PCP4: variants seen among roughly 807,000 people sequenced by gnomAD.
PCP4 encodes Purkinje cell protein 4.
PCP4 carries 8 observed loss-of-function variants against 10.0 expected under a neutral mutation model. The observed-to-expected ratio is 0.80, with a 90% CI of 0.47 to 1.45. The LOEUF (loss-of-function observed/expected upper bound fraction) is 1.45, where lower values mean the gene tolerates loss of function less well. Ranked by LOEUF, PCP4 falls within the 40% of genes most tolerant of loss-of-function variation. The probability of loss-of-function intolerance (pLI) is 0.00; values close to 1 mark genes in which losing one functional copy is unlikely to be tolerated. For synonymous variants in PCP4, 21 were observed against 23.0 expected (o/e 0.91, Z 0.24); for missense variants, 54 against 74.4 (o/e 0.73, Z 1.01).
At chr21:39,887,055 A>G (rs879891157) in intron 1 of PCP4, among the ~76,000 whole-genome samples, 1 of 152,242 alleles carries the variant, frequency 6.6e-6, no homozygotes, top group Non-Finnish European at 1.5e-5. Context: ...GCGAATTTTA[A>G]AAATATAGCT....
In PCP4 at chr21:39,889,706, G is replaced by A. The variant is rs577221993; in HGVS notation, c.10-8770G>A. ...GCTGGGATTACAGGCGTGAGCCACC[G>A]TGCCCAGCCTCAAACCAAGTTCTTA... On this transcript the variant is annotated intron_variant, in intron 1 of 2. Coordinates refer to ENST00000328619, the MANE Select transcript of PCP4 (RefSeq NM_006198.3). Among the ~76,000 whole-genome samples, 6 of 152,154 alleles carry A rather than the reference G, an allele frequency of 3.9e-5. No homozygotes were observed. The South Asian group carries it at 1.2e-3, about 32-fold the overall frequency.
intron 1 of PCP4, among the ~76,000 whole-genome samples, chr21:39,876,869 G>A (rs2087348739): frequency 6.6e-6 from 1 of 152,204 alleles, no homozygotes; most frequent in South Asian, 2.1e-4. Context: ...TGAACATGGT[G>A]GCTCTGCCCT....
intron 2 of PCP4, among the ~76,000 whole-genome samples, chr21:39,912,859 G>A (rs1373503222): frequency 6.6e-6 from 1 of 152,020 alleles, no homozygotes; most frequent in Non-Finnish European, 1.5e-5. Flanking sequence ...ACAGGTGCGG[G>A]CCACTATAAC....
intron 2 of PCP4, among the ~76,000 whole-genome samples, chr21:39,920,286 G>GT (rs149149120): frequency 1.4e-5 from 2 of 142,422 alleles, no homozygotes; most frequent in Non-Finnish European, 3.0e-5. Context: ...TAGTGTGTGT[G>GT]GTGTGTGTGT....
At chr21:39,917,319 T>C (rs976053995) in intron 2 of PCP4, among the ~76,000 whole-genome samples, 1 of 152,118 alleles carries the variant, frequency 6.6e-6, no homozygotes, top group Non-Finnish European at 1.5e-5. Flanking sequence ...TACCAGAAGG[T>C]GGGATCTTCC....
intron 2 of PCP4, among the ~76,000 whole-genome samples, chr21:39,905,350 G>A (rs572302331): frequency 6.6e-6 from 1 of 152,308 alleles, no homozygotes; most frequent in Non-Finnish European, 1.5e-5. Context: ...ATTCTGGAAG[G>A]AAGAAATGGA....
chr21:39,868,742 G>A (rs1285978989), intron 1 of PCP4, among the ~76,000 whole-genome samples: 3 of 152,226 alleles, frequency 2.0e-5, no homozygotes, highest in East Asian at 1.9e-4. Flanking sequence ...GAGGCACAGA[G>A]ATGGGAACTA....
intron 2 of PCP4, among the ~76,000 whole-genome samples, chr21:39,909,847 G>A (rs1366600319): frequency 6.7e-6 from 1 of 150,092 alleles, no homozygotes; most frequent in Non-Finnish European, 1.5e-5. Flanking sequence ...CCAGGCTGGA[G>A]TGCAATGGCG....
At chr21:39,910,911 A>G (rs147855462) in intron 2 of PCP4, among the ~76,000 whole-genome samples, 1 of 152,298 alleles carries the variant, frequency 6.6e-6, no homozygotes, top group East Asian at 1.9e-4. Context: ...CTGCCATTCT[A>G]TGCTTTACTC....
intron 1 of PCP4, among the ~76,000 whole-genome samples, chr21:39,875,907 ACTT>A (rs1321546727): frequency 6.6e-6 from 1 of 152,060 alleles, no homozygotes; most frequent in Non-Finnish European, 1.5e-5. Flanking sequence ...TGGTAACTGT[ACTT>A]CTTTTTGAGT....
At chr21:39,903,575 T>G (rs1235846534) in intron 2 of PCP4, among the ~76,000 whole-genome samples, 1 of 152,102 alleles carries the variant, frequency 6.6e-6, no homozygotes, top group Admixed American at 6.5e-5. Context: ...ACTTAAGACT[T>G]AGTTTGATTT....
intron 2 of PCP4, chr21:39,916,199 C>T (rs926274990): frequency 3.3e-5 from 5 of 152,186 alleles, no homozygotes; most frequent in African/African-American, 1.2e-4. Flanking sequence ...ATGTTATTCT[C>T]ACTCCCAAAA....
chr21:39,909,921 G>A (rs1013239558), intron 2 of PCP4, among the ~76,000 whole-genome samples: 1 of 151,414 alleles, frequency 6.6e-6, no homozygotes, highest in Non-Finnish European at 1.5e-5. Context: ...TCAGCCACCC[G>A]AGTAGCTGGG....
At chr21:39,905,152 T>A (rs2087500624) in intron 2 of PCP4, among the ~76,000 whole-genome samples, 1 of 152,078 alleles carries the variant, frequency 6.6e-6, no homozygotes, top group Non-Finnish European at 1.5e-5. Flanking sequence ...CAGAGGCACA[T>A]GGGTGGTGGC....
intron 2 of PCP4, among the ~76,000 whole-genome samples, chr21:39,920,899 C>G (rs1427308747): frequency 6.6e-6 from 1 of 152,212 alleles, no homozygotes; most frequent in Non-Finnish European, 1.5e-5. Flanking sequence ...GGGGCTGTGC[C>G]CCTCCCAGGA....
At chr21:39,918,823 A>C (rs2087581251) in intron 2 of PCP4, among the ~76,000 whole-genome samples, 1 of 152,094 alleles carries the variant, frequency 6.6e-6, no homozygotes, top group South Asian at 2.1e-4. Context: ...CACACTCCCC[A>C]AGCTGCAGAG....
At chr21:39,912,707 C>T (rs945831478) in intron 2 of PCP4, among the ~76,000 whole-genome samples, 2 of 152,024 alleles carry the variant, frequency 1.3e-5, no homozygotes, top group Non-Finnish European at 2.9e-5. Flanking sequence ...TTAATTTAAT[C>T]TATTTTTATT....
intron 1 of PCP4, among the ~76,000 whole-genome samples, chr21:39,879,653 A>G (rs545545150): frequency 6.6e-6 from 1 of 152,314 alleles, no homozygotes; most frequent in East Asian, 1.9e-4. Flanking sequence ...CAACAAGGAA[A>G]AGAGACATGG....
chr21:39,888,519 A>G (rs985147109), intron 1 of PCP4, among the ~76,000 whole-genome samples: 3 of 152,124 alleles, frequency 2.0e-5, no homozygotes, highest in African/African-American at 7.2e-5. Context: ...GGGAACTGAG[A>G]CTTCAATGAG....
Sources: gnomAD v4.1 joint callset for allele counts (sites outside exome capture counted in the v4.1 genomes callset) on GRCh38, gnomAD v4.1.1 for gene constraint, MANE v1.5 for transcripts, NCBI Gene and HGNC (gene_info 2026-07-23, HGNC 2026-07-21) for gene names.